The following GALNTL6 variants were observed in gnomAD, a reference collection of about 807,000 sequenced individuals.
GALNTL6 encodes polypeptide N-acetylgalactosaminyltransferase-like 6.
In GALNTL6, 46 loss-of-function variants were observed where a neutral mutation model predicts 73.7. That is an observed-to-expected ratio of 0.62 (90% confidence interval 0.49 to 0.80). The LOEUF is 0.80. Among genes scored for constraint, GALNTL6 ranks in the 30% least tolerant of loss-of-function variants. The pLI is 0.00. For missense variants in GALNTL6, 604 were observed against 755.0 expected (o/e 0.80, Z 2.34); for synonymous variants, 259 against 263.7 (o/e 0.98, Z 0.17).
intron 3 of GALNTL6, among the ~76,000 whole-genome samples, chr4:172,244,699 A>G (rs1355883421): frequency 3.3e-5 from 5 of 152,128 alleles, no homozygotes; most frequent in African/African-American, 1.2e-4. Flanking sequence ...CAACTAGCAT[A>G]TGTTTTCTCA....
intron 5 of GALNTL6, among the ~76,000 whole-genome samples, chr4:172,802,207 G>C (rs1377334852): frequency 1.3e-5 from 2 of 152,160 alleles, no homozygotes; most frequent in East Asian, 3.9e-4. Context: ...AGCTGAACAG[G>C]CAGGCCTCCA....
intron 3 of GALNTL6, among the ~76,000 whole-genome samples, chr4:172,235,502 A>C (rs986488770): frequency 6.6e-5 from 10 of 152,154 alleles, no homozygotes; most frequent in Admixed American, 3.9e-4. Context: ...CCATTGTGCC[A>C]GGACAAAAAT....
intron 2 of GALNTL6, 144 bp from the exon 3 acceptor site, chr4:172,229,512 C>T (rs1437304063): frequency 3.0e-5 from 18 of 595,906 alleles, no homozygotes; most frequent in East Asian, 8.3e-5. Context: ...TGGTCACCAG[C>T]GATAGCTTTC....
intron 2 of GALNTL6, among the ~76,000 whole-genome samples, chr4:171,957,098 T>A (rs1014889292): frequency 1.3e-5 from 2 of 152,222 alleles, no homozygotes; most frequent in African/African-American, 4.8e-5. Context: ...ATCCTGCACA[T>A]CCTTCAGGTC....
At chr4:173,006,999 C>G (rs1438340254) in intron 10 of GALNTL6, among the ~76,000 whole-genome samples, 1 of 152,162 alleles carries the variant, frequency 6.6e-6, no homozygotes, top group Non-Finnish European at 1.5e-5. Flanking sequence ...GCAGATGAAG[C>G]CAACCTGTTG....
intron 5 of GALNTL6, among the ~76,000 whole-genome samples, chr4:172,419,782 A>C (rs575587202): frequency 1.3e-5 from 2 of 152,158 alleles, no homozygotes; most frequent in Non-Finnish European, 2.9e-5. Flanking sequence ...ACTAAGAGAC[A>C]TGTCCCAGCT....
At chr4:172,539,596 A>C (rs1165401373) in intron 5 of GALNTL6, among the ~76,000 whole-genome samples, 2 of 152,146 alleles carry the variant, frequency 1.3e-5, no homozygotes, top group Non-Finnish European at 2.9e-5. Context: ...TGAAAAGACC[A>C]TATTAGCCCA....
chr4:172,385,516 A>G (rs1469851059), intron 5 of GALNTL6, among the ~76,000 whole-genome samples: 3 of 151,838 alleles, frequency 2.0e-5, no homozygotes, highest in Non-Finnish European at 2.9e-5. Context: ...CCCTTTTTTC[A>G]TTATAAAATA....
At chr4:172,614,218 G>A (rs887742312) in intron 5 of GALNTL6, among the ~76,000 whole-genome samples, 1 of 152,048 alleles carries the variant, frequency 6.6e-6, no homozygotes, top group African/African-American at 2.4e-5. Flanking sequence ...ATGTAATAGA[G>A]TGATAGGTAG....
chr4:172,500,853 T>C (rs1734239838), intron 5 of GALNTL6, among the ~76,000 whole-genome samples: 1 of 152,192 alleles, frequency 6.6e-6, no homozygotes. Context: ...TGTCATCTGA[T>C]GCGGTGCTCA....
At chr4:172,559,050 G>A (rs983770317) in intron 5 of GALNTL6, among the ~76,000 whole-genome samples, 39 of 126,584 alleles carry the variant, frequency 3.1e-4, no homozygotes, top group South Asian at 5.5e-4. Flanking sequence ...TGATGATAAT[G>A]ATAATGGATT....
intron 9 of GALNTL6, among the ~76,000 whole-genome samples, chr4:172,947,579 TA>T (rs201530161): frequency 0.013 from 989 of 73,740 alleles, 10 homozygotes; most frequent in African/African-American, 0.03. Flanking sequence ...TTCCCCTTGA[TA>T]AATTTTTTTT....
intron 2 of GALNTL6, among the ~76,000 whole-genome samples, chr4:171,848,435 A>G (rs1735432031): frequency 1.3e-5 from 2 of 152,202 alleles, no homozygotes; most frequent in South Asian, 4.1e-4. Flanking sequence ...ATTCACCTGT[A>G]ACAAGAGAGT....
intron 5 of GALNTL6, among the ~76,000 whole-genome samples, chr4:172,570,630 C>A (rs1200373358): frequency 6.6e-6 from 1 of 152,062 alleles, no homozygotes; most frequent in East Asian, 1.9e-4. Context: ...TTTATGGCAC[C>A]AGGGAGGGGC....
chr4:172,229,848 T>C (rs537125919), intron 3 of GALNTL6, 84 bp downstream of exon 3: 1 of 778,608 alleles, frequency 1.3e-6, no homozygotes, highest in South Asian at 1.6e-5. Context: ...AATTAGCATT[T>C]CTTCTGCACA....
At chr4:172,794,242 T>C (rs900980392) in intron 5 of GALNTL6, among the ~76,000 whole-genome samples, 2 of 152,210 alleles carry the variant, frequency 1.3e-5, no homozygotes, top group Non-Finnish European at 2.9e-5. Flanking sequence ...CTTCTAAAAT[T>C]TGGGGGAGCT....
intron 8 of GALNTL6, among the ~76,000 whole-genome samples, chr4:172,897,543 T>C (rs1325918228): frequency 2.6e-5 from 4 of 152,118 alleles, no homozygotes; most frequent in Non-Finnish European, 5.9e-5. Context: ...TGGCAGATGG[T>C]TTTTTATTAT....
At chr4:172,411,695 G>A (rs1349998917) in intron 5 of GALNTL6, among the ~76,000 whole-genome samples, 1 of 151,856 alleles carries the variant, frequency 6.6e-6, no homozygotes, top group Admixed American at 6.6e-5. Flanking sequence ...AGGGCTGAAG[G>A]GACAAAATCT....
intron 2 of GALNTL6, among the ~76,000 whole-genome samples, chr4:172,044,579 G>GTAC (rs1742169122): frequency 6.6e-6 from 1 of 151,816 alleles, no homozygotes; most frequent in African/African-American, 2.4e-5. Context: ...TGATTATATT[G>GTAC]TACTACTATT....
Sources: gnomAD v4.1 joint callset for allele counts (sites outside exome capture counted in the v4.1 genomes callset) on GRCh38, gnomAD v4.1.1 for gene constraint, MANE v1.5 for transcripts, NCBI Gene and HGNC (gene_info 2026-07-23, HGNC 2026-07-21) for gene names.